The following ELAPOR2 variants were observed in gnomAD, a reference collection of about 807,000 sequenced individuals.
The protein encoded by ELAPOR2 is endosome/lysosome-associated apoptosis and autophagy regulator family member 2.
ELAPOR2 carries 89 observed loss-of-function variants against 120.7 expected under a neutral mutation model. The observed-to-expected ratio is 0.74, with a 90% CI of 0.62 to 0.88. ELAPOR2 has a LOEUF of 0.88. ELAPOR2 is among the 40% of genes least tolerant of loss of function. ELAPOR2 has a pLI of 0.00. For synonymous variants in ELAPOR2, 444 were observed against 444.9 expected (o/e 1.00, Z 0.03); for missense variants, 1,134 against 1,251.6 (o/e 0.91, Z 1.42).
intron 12 of ELAPOR2, 73 bp downstream of exon 12, chr7:86,918,369 C>G: frequency 1.4e-6 from 1 of 698,492 alleles, no homozygotes; most frequent in South Asian, 2.4e-5. Flanking sequence ...CCCAACTTGC[C>G]ACAAATAAAT....
chr7:86,947,592 A>G, intron 3 of ELAPOR2, 135 bp downstream of exon 3: 1 of 781,014 alleles, frequency 1.3e-6, no homozygotes. Context: ...CCGTCCAAAA[A>G]ACATGATTCT....
chr7:86,999,614 T>C (rs948858849), intron 1 of ELAPOR2, among the ~76,000 whole-genome samples: 3 of 152,168 alleles, frequency 2.0e-5, no homozygotes, highest in African/African-American at 7.2e-5. Flanking sequence ...GGAGGCAGCA[T>C]ACTCAGATTT....
intron 18 of ELAPOR2, among the ~76,000 whole-genome samples, chr7:86,897,849 T>C (rs1015448129): frequency 3.3e-5 from 5 of 152,116 alleles, no homozygotes; most frequent in African/African-American, 1.2e-4. Flanking sequence ...TAACAAGTGT[T>C]GTCAGGATGT....
At chr7:87,008,758 T>C (rs1793563602) in intron 1 of ELAPOR2, among the ~76,000 whole-genome samples, 1 of 152,140 alleles carries the variant, frequency 6.6e-6, no homozygotes, top group Non-Finnish European at 1.5e-5. Flanking sequence ...TTCTCTCAAA[T>C]AGTTCAAACA....
intron 14 of ELAPOR2, among the ~76,000 whole-genome samples, chr7:86,912,696 AT>A (rs1789371726): frequency 2.0e-5 from 3 of 152,326 alleles, no homozygotes; most frequent in Admixed American, 1.3e-4. Flanking sequence ...CAGTTTTAAT[AT>A]TTTGGAAAAG....
rs141193903 is a variant in ELAPOR2, at chr7:86,892,386, G to A, written c.2865-497C>T. Among the ~76,000 whole-genome samples the A allele has an allele frequency of 1.4e-4, 21 of 152,152 alleles. No individual in the cohort carries two copies. The East Asian group carries it at 3.7e-3, about 27-fold the overall frequency. On this transcript the variant is annotated intron_variant, in intron 20 of 21. Transcript: ENST00000450689. The stretch of plus-strand genomic sequence containing the variant: ...AGGAGTTCCACAGTCCCACTGAGGT[G>A]TAAATCATTCTAAAAGATTCAAGTC...
intron 2 of ELAPOR2, among the ~76,000 whole-genome samples, chr7:86,953,093 CAAAAA>C (rs11351621): frequency 1.0e-5 from 1 of 99,632 alleles, no homozygotes; most frequent in Non-Finnish European, 2.0e-5. Flanking sequence ...AAGCCTCTGT[CAAAAA>C]AAAAAAAAAA....
intron 18 of ELAPOR2, among the ~76,000 whole-genome samples, chr7:86,899,201 G>GC: frequency 6.6e-6 from 1 of 152,132 alleles, no homozygotes; most frequent in Non-Finnish European, 1.5e-5. Context: ...TCTGGGACAG[G>GC]TAAACATAGC....
intron 1 of ELAPOR2, among the ~76,000 whole-genome samples, chr7:87,058,992 G>A (rs970375821): frequency 2.6e-5 from 4 of 151,910 alleles, no homozygotes; most frequent in African/African-American, 2.4e-5. Flanking sequence ...CACTGGTGGG[G>A]CTTCCCCAGT....
At chr7:87,001,195 T>G (rs1793305328) in intron 1 of ELAPOR2, among the ~76,000 whole-genome samples, 1 of 152,122 alleles carries the variant, frequency 6.6e-6, no homozygotes, top group South Asian at 2.1e-4. Context: ...CACGTGTGTT[T>G]AAATATCCCT....
At chr7:87,008,751 T>C (rs1206933870) in intron 1 of ELAPOR2, among the ~76,000 whole-genome samples, 2 of 152,156 alleles carry the variant, frequency 1.3e-5, no homozygotes, top group Non-Finnish European at 2.9e-5. Flanking sequence ...TCCAAGTTTC[T>C]CTCAAATAGT....
At chr7:86,932,177 G>A (rs1044002504) in intron 8 of ELAPOR2, among the ~76,000 whole-genome samples, 1 of 151,946 alleles carries the variant, frequency 6.6e-6, no homozygotes, top group Non-Finnish European at 1.5e-5. Flanking sequence ...GGCTTGGGTG[G>A]AGATTACAGT....
At chr7:87,029,062 C>T (rs1292264100) in intron 1 of ELAPOR2, among the ~76,000 whole-genome samples, 2 of 152,174 alleles carry the variant, frequency 1.3e-5, no homozygotes, top group East Asian at 1.9e-4. Flanking sequence ...TAGATAGACA[C>T]ACATCCCTAT....
chr7:86,904,279 G>A (rs1327016853), intron 18 of ELAPOR2, among the ~76,000 whole-genome samples: 1 of 152,020 alleles, frequency 6.6e-6, no homozygotes, highest in African/African-American at 2.4e-5. Flanking sequence ...AGAACCCTTT[G>A]GACACAATGC....
chr7:87,044,151 G>C (rs1373016788), intron 1 of ELAPOR2, among the ~76,000 whole-genome samples: 8 of 119,506 alleles, frequency 6.7e-5, no homozygotes, highest in Admixed American at 2.7e-4. Context: ...TGGGTAGGAA[G>C]AATCAATATC....
chr7:86,883,522 A>C (rs1799524809), intron 21 of ELAPOR2, among the ~76,000 whole-genome samples: 1 of 152,150 alleles, frequency 6.6e-6, no homozygotes, highest in Non-Finnish European at 1.5e-5. Context: ...TGGATAAACA[A>C]ATGTTGGTAT....
chr7:86,891,702 C>T, intron 21 of ELAPOR2, 22 bp downstream of exon 21: 2 of 1,593,406 alleles, frequency 1.3e-6, no homozygotes, highest in East Asian at 4.5e-5. Flanking sequence ...CCAGTAACAC[C>T]AGGTTAAAAT....
chr7:87,048,884 C>T (rs749786855), intron 1 of ELAPOR2, among the ~76,000 whole-genome samples: 1 of 152,148 alleles, frequency 6.6e-6, no homozygotes, highest in Non-Finnish European at 1.5e-5. Flanking sequence ...CAGTTTATGT[C>T]CTTCAATCTA....
intron 1 of ELAPOR2, among the ~76,000 whole-genome samples, chr7:86,983,003 G>C (rs1431791906): frequency 6.6e-6 from 1 of 152,184 alleles, no homozygotes; most frequent in Non-Finnish European, 1.5e-5. Context: ...TGGCCTGACG[G>C]AGCTGAAAAC....
Sources: allele counts gnomAD v4.1 joint callset (sites outside exome capture counted in the v4.1 genomes callset), GRCh38; gene constraint gnomAD v4.1.1; transcripts MANE v1.5; gene names NCBI Gene and HGNC (gene_info 2026-07-23, HGNC 2026-07-21).